BTBD9: variants seen among roughly 807,000 people sequenced by gnomAD.
BTBD9 encodes the protein BTB/POZ domain-containing protein 9.
In BTBD9, 49 loss-of-function variants were observed where a neutral mutation model predicts 64.3. The observed-to-expected ratio is 0.76, with a 90% CI of 0.61 to 0.97. The LOEUF is 0.97. Among genes scored for constraint, BTBD9 ranks in the 50% least tolerant of loss-of-function variants. BTBD9 has a pLI of 0.00. For missense variants in BTBD9, 598 were observed against 762.1 expected (o/e 0.78, Z 2.53); for synonymous variants, 260 against 274.7 (o/e 0.95, Z 0.53).
chr6:38,235,147 C>A (rs1312349705), intron 9 of BTBD9, among the ~76,000 whole-genome samples: 1 of 152,218 alleles, frequency 6.6e-6, no homozygotes, highest in Non-Finnish European at 1.5e-5. Flanking sequence ...AATCACCAAT[C>A]ACCGTGGGCT....
chr6:38,236,788 G>C (rs574892900), intron 9 of BTBD9, among the ~76,000 whole-genome samples: 1 of 152,200 alleles, frequency 6.6e-6, no homozygotes, highest in Non-Finnish European at 1.5e-5. Context: ...CATGTGCAGA[G>C]TGGATTCAGT....
chr6:38,636,684 C>T (rs770524909), intron 1 of BTBD9, among the ~76,000 whole-genome samples: 77 of 152,274 alleles, frequency 5.1e-4, no homozygotes, highest in Admixed American at 2.0e-3. Context: ...AATCTGCACA[C>T]GAACTGTCAA....
At chr6:38,467,753 C>T (rs1416380342) in intron 6 of BTBD9, among the ~76,000 whole-genome samples, 4 of 152,256 alleles carry the variant, frequency 2.6e-5, no homozygotes, top group Middle Eastern at 3.4e-3. Context: ...TATTCTGGCT[C>T]CACAATTTTC....
intron 6 of BTBD9, among the ~76,000 whole-genome samples, chr6:38,557,711 A>G: frequency 6.7e-6 from 1 of 149,912 alleles, no homozygotes; most frequent in South Asian, 2.1e-4. Flanking sequence ...GATAACGCCA[A>G]TATTATAAAC....
intron 6 of BTBD9, among the ~76,000 whole-genome samples, chr6:38,354,218 G>A (rs1219923901): frequency 6.6e-6 from 1 of 152,088 alleles, no homozygotes; most frequent in Non-Finnish European, 1.5e-5. Context: ...AGAGCACAGG[G>A]AGTGAGGAAA....
chr6:38,304,288 C>T lies in BTBD9; in HGVS notation c.1265-15827G>A, dbSNP rs1371098959. Among the ~76,000 whole-genome samples, 6 of 151,970 alleles carry T rather than the reference C, an allele frequency of 3.9e-5. 1 individual carries two copies. The highest frequency in any genetic ancestry group is 2.6e-4 in the Admixed American group (4 of 15,244). On this transcript the variant is annotated intron_variant, in intron 7 of 10. Transcript: ENST00000481247. ...GAAGGCTGGGTGTGGTGGCTTACAC[C>T]TGTAATCCCAGCACTTTGGGAGGCC...
intron 1 of BTBD9, among the ~76,000 whole-genome samples, chr6:38,613,525 G>A (rs1272309902): frequency 1.3e-5 from 2 of 152,006 alleles, no homozygotes; most frequent in Non-Finnish European, 1.5e-5. Flanking sequence ...GGGAGGAGGT[G>A]GGGTGCAGGA....
intron 9 of BTBD9, among the ~76,000 whole-genome samples, chr6:38,193,360 G>A (rs1180807362): frequency 1.3e-5 from 2 of 152,148 alleles, no homozygotes; most frequent in African/African-American, 4.8e-5. Context: ...GATGGCACAT[G>A]GGGGTTGTGG....
intron 6 of BTBD9, among the ~76,000 whole-genome samples, chr6:38,373,681 A>G (rs1438067603): frequency 6.6e-6 from 1 of 152,068 alleles, no homozygotes; most frequent in Non-Finnish European, 1.5e-5. Context: ...ACAGGTGTGC[A>G]CCACCACATC....
intron 6 of BTBD9, among the ~76,000 whole-genome samples, chr6:38,350,866 A>G (rs1764475685): frequency 6.6e-6 from 1 of 152,246 alleles, no homozygotes; most frequent in South Asian, 2.1e-4. Context: ...CAAGATTCCT[A>G]TTTGACCTTT....
intron 7 of BTBD9, among the ~76,000 whole-genome samples, chr6:38,292,805 T>C (rs146100633): frequency 7.9e-5 from 12 of 152,312 alleles, no homozygotes; most frequent in East Asian, 5.8e-4. Context: ...GGGTTTTTCA[T>C]GTCTCTATCT....
At chr6:38,326,069 G>T (rs560311789) in intron 7 of BTBD9, among the ~76,000 whole-genome samples, 5 of 152,216 alleles carry the variant, frequency 3.3e-5, no homozygotes, top group Admixed American at 1.3e-4. Flanking sequence ...CTAGGGGTAG[G>T]GGGGGTCAGG....
At chr6:38,429,386 C>A (rs1056591883) in intron 6 of BTBD9, among the ~76,000 whole-genome samples, 2 of 146,718 alleles carry the variant, frequency 1.4e-5, no homozygotes, top group Non-Finnish European at 3.0e-5. Context: ...ACCCAGGAGG[C>A]GGAGATTGCA....
chr6:38,590,539 A>G (rs1407693722), intron 4 of BTBD9, among the ~76,000 whole-genome samples: 1 of 152,210 alleles, frequency 6.6e-6, no homozygotes, highest in African/African-American at 2.4e-5. Context: ...AAGATCAATC[A>G]GTATTTCAAG....
chr6:38,422,233 C>T (rs1767933707), intron 6 of BTBD9, among the ~76,000 whole-genome samples: 1 of 152,050 alleles, frequency 6.6e-6, no homozygotes, highest in African/African-American at 2.4e-5. Context: ...TGTGATAGAA[C>T]CAATATATAC....
At chr6:38,558,673 G>A (rs762847125) in intron 6 of BTBD9, among the ~76,000 whole-genome samples, 105 of 152,280 alleles carry the variant, frequency 6.9e-4, no homozygotes, top group Non-Finnish European at 1.3e-3. Flanking sequence ...TTCTGTTCAC[G>A]TGGTAAATCA....
At chr6:38,182,913 C>T (rs1761626882) in intron 10 of BTBD9, among the ~76,000 whole-genome samples, 1 of 108,722 alleles carries the variant, frequency 9.2e-6, no homozygotes, top group Admixed American at 8.7e-5. Context: ...CCTGCTTTTC[C>T]TCTCTTTTTT....
chr6:38,415,128 C>T (rs1348966339), intron 6 of BTBD9, among the ~76,000 whole-genome samples: 1 of 152,078 alleles, frequency 6.6e-6, no homozygotes, highest in Non-Finnish European at 1.5e-5. Context: ...AAAGGCATAC[C>T]TTTCGTAGGT....
chr6:38,368,315 T>TA (rs1326533041), intron 6 of BTBD9, among the ~76,000 whole-genome samples: 3 of 152,162 alleles, frequency 2.0e-5, no homozygotes, highest in African/African-American at 7.2e-5. Context: ...ATGCATGCGC[T>TA]ATACTAGAGC....
Sources: allele counts gnomAD v4.1 joint callset (sites outside exome capture counted in the v4.1 genomes callset), GRCh38; gene constraint gnomAD v4.1.1; transcripts MANE v1.5; gene names NCBI Gene and HGNC (gene_info 2026-07-23, HGNC 2026-07-21).